The following NID2 variants were observed in gnomAD, a reference collection of about 807,000 sequenced individuals.
The protein encoded by NID2 is nidogen-2.
Under a neutral mutation model 145.4 loss-of-function variants are expected in NID2, and 83 were observed. That is an observed-to-expected ratio of 0.57 (90% confidence interval 0.48 to 0.69). The LOEUF (loss-of-function observed/expected upper bound fraction) is 0.69, where lower values mean the gene tolerates loss of function less well. NID2 is among the 30% of genes least tolerant of loss of function. The pLI is 0.00. For synonymous variants in NID2, 739 were observed against 701.3 expected (o/e 1.05, Z -0.85); for missense variants, 1,807 against 1,765.7 (o/e 1.02, Z -0.42).
intron 18 of NID2, chr14:52,008,440 G>A (rs1408849730): frequency 6.5e-6 from 1 of 152,994 alleles, no homozygotes; most frequent in Non-Finnish European, 1.5e-5. Context: ...GGAGCTCGGT[G>A]AAGACACACT....
rs750538133 is a variant in NID2 at position 52,006,595 on chromosome 14, TGAG to T, written c.3943_3945del (p.Leu1315del). On this transcript the variant is annotated inframe_deletion, in exon 20 of 22. Transcript: ENST00000216286. ...TAGCTTACGATGCTGAAGGGGTACT[TGAG>T]GTTGTTTTGAATGACACGCCGTCCA... The T allele has an allele frequency of 1.9e-6, 3 of 1,613,694 alleles. No individual in the cohort carries two copies. Among genetic ancestry groups the T allele is most frequent in the Non-Finnish European group, 2.5e-6 (3 of 1,179,778 alleles).
chr14:52,061,862 C>A (rs1416900696), intron 2 of NID2, among the ~76,000 whole-genome samples: 1 of 152,244 alleles, frequency 6.6e-6, no homozygotes, highest in Non-Finnish European at 1.5e-5. Flanking sequence ...CTCTCTCTCA[C>A]TAAATCACAC....
At chr14:52,053,124 A>G (rs1892729472) in intron 5 of NID2, among the ~76,000 whole-genome samples, 1 of 152,226 alleles carries the variant, frequency 6.6e-6, no homozygotes, top group East Asian at 1.9e-4. Context: ...AACCAAGGGA[A>G]GCGCTAGGCT....
chr14:52,057,725 A>G (rs1312705707), intron 3 of NID2, among the ~76,000 whole-genome samples: 20 of 145,932 alleles, frequency 1.4e-4, no homozygotes, highest in Non-Finnish European at 3.0e-4. Context: ...AAAAAAAAAA[A>G]AAGAAAAGAA....
At chr14:52,032,822 G>C (rs865921743) in intron 9 of NID2, among the ~76,000 whole-genome samples, 1 of 59,934 alleles carries the variant, frequency 1.7e-5, no homozygotes. Flanking sequence ...AAAAATCTCA[G>C]CTCAAAAGTT....
rs1379909282 is a variant in NID2, at chr14:52,042,889, T to C, written c.1472A>G (p.Asn491Ser). 1 of 1,614,228 alleles carries C rather than the reference T, an allele frequency of 6.2e-7. No individual in the cohort carries two copies. Among genetic ancestry groups the C allele is most frequent in the East Asian group, 2.2e-5 (1 of 44,890 alleles). The change falls in exon 6 of 22, where the codon AAC becomes AGC. Residue 491 changes from asparagine (N) to serine (S), a missense_variant. Asn to Ser is a conservative substitution (Grantham distance 46). Coordinates refer to ENST00000216286, the MANE Select transcript of NID2 (RefSeq NM_007361.4). ...GGCATGCCGGGAGCATTGTCTGTGG[T>C]TGTGTTCACAGGTTTCCTTGTTGGC... The part of the protein sequence containing the change: ...NAANKETCEH[N>S]HRQCSRHAFC...
At chr14:52,037,333 G>A (rs1458133148) in intron 9 of NID2, among the ~76,000 whole-genome samples, 1 of 151,976 alleles carries the variant, frequency 6.6e-6, no homozygotes, top group Non-Finnish European at 1.5e-5. Context: ...TAGGGTACAT[G>A]TTTACAACGT....
At chr14:52,006,509 A>T (rs749882168) in intron 20 of NID2, 28 bp downstream of exon 20, 1 of 1,612,288 alleles carries the variant, frequency 6.2e-7, no homozygotes, top group Admixed American at 1.7e-5. Context: ...TGGCCTTTTC[A>T]GGCTTGTCCA....
intron 2 of NID2, among the ~76,000 whole-genome samples, chr14:52,066,321 CAA>C (rs34875276): frequency 3.7e-5 from 5 of 133,804 alleles, no homozygotes; most frequent in East Asian, 2.2e-4. Flanking sequence ...TAACGGGTAC[CAA>C]AAAAAAAAAA....
chr14:52,038,858 G>C lies in NID2; in HGVS notation c.2146C>G (p.Pro716Ala), dbSNP rs761340319. The C allele has an allele frequency of 6.2e-7, 1 of 1,614,102 alleles. No individual in the cohort carries two copies. Among genetic ancestry groups the C allele is most frequent in the East Asian group, 2.2e-5 (1 of 44,874 alleles). ...AGCTGCTGGGTGGTGGGGAAGGACG[G>C]GTGTCTGGGGGCGTGCCTGCACACC... ...YQVCRHAPRH[P>A]SFPTTQQLNV... Residue 716 changes from proline to alanine, a missense_variant, in exon 9 of 22, where the codon CCG (proline) becomes GCG (alanine). Transcript: ENST00000216286.
In NID2 at chr14:52,011,634, T is replaced by C. The variant is rs951890970; in HGVS notation, c.3470A>G (p.Tyr1157Cys). Residue 1157 changes from tyrosine (Y) to cysteine (C), a missense_variant, in exon 17 of 22, where the codon TAC becomes TGC. By Grantham distance (194) the Tyr-to-Cys change is radical. Transcript: ENST00000216286. ...TGTCCGTCCAGCAACATCTGTCCAG[T>C]ACACCATCCTCTCCCGGCAGTCGTA... ...IDYDCRERMV[Y>C]WTDVAGRTIS... The C allele has an allele frequency of 4.3e-6, 7 of 1,614,116 alleles. No individual in the cohort carries two copies. The African/African-American group carries it at 8.0e-5, about 18-fold the overall frequency.
At position 52,029,623 on chromosome 14, in the gene NID2, C is replaced by T. The variant is rs760827521; in HGVS notation, c.2325G>A (p.Arg775=). The change falls in exon 10 of 22, where the codon CGG becomes CGA. Residue 775 remains arginine (R), a synonymous_variant. Transcript: ENST00000216286. ...AATCTACACCTGTCCCTGGATGGCA[C>T]CGTGCTGTTGTGTCACACATGTGGC... ...DGSHMCDTTA[R]CHPGTGVDYT... is the part of the protein sequence containing the mutation. 2 of 1,614,130 alleles carry T rather than the reference C, an allele frequency of 1.2e-6. No homozygotes were observed. Among genetic ancestry groups the T allele is most frequent in the Non-Finnish European group, 1.7e-6 (2 of 1,179,964 alleles).
intron 7 of NID2, among the ~76,000 whole-genome samples, chr14:52,041,705 G>C (rs539721542): frequency 6.6e-6 from 1 of 152,234 alleles, no homozygotes; most frequent in Non-Finnish European, 1.5e-5. Context: ...ATAGGTTGTG[G>C]AGCTGGGAGG....
intron 9 of NID2, among the ~76,000 whole-genome samples, chr14:52,030,998 C>G (rs1595025476): frequency 6.6e-6 from 1 of 152,222 alleles, no homozygotes; most frequent in Non-Finnish European, 1.5e-5. Flanking sequence ...TGCTGCATCA[C>G]AGAGAGGCCA....
In NID2 at chr14:52,063,142, C is replaced by A. The variant is rs564985014; in HGVS notation, c.535-2786G>T. Among the ~76,000 whole-genome samples, 15 of 152,308 alleles carry A rather than the reference C, an allele frequency of 9.8e-5. No homozygotes were observed. In the South Asian group the frequency reaches 3.1e-3, roughly 32 times the overall value. On this transcript the variant is annotated intron_variant, in intron 2 of 21. Coordinates refer to ENST00000216286, the MANE Select transcript of NID2 (RefSeq NM_007361.4). ...TTCATGAAGTCTTGAAGGGCTCCCC[C>A]TCTCAAAAAACTCCTTGACTGGCTT...
chr14:52,006,167 T>C (rs190299251), intron 20 of NID2: 22 of 402,598 alleles, frequency 5.5e-5, no homozygotes, highest in Admixed American at 1.1e-4. Context: ...TCAGACAATA[T>C]GTCCACAGTG....
Position 52,041,488 on chromosome 14 carries a change from A to T in NID2, c.1825+617T>A, listed in dbSNP as rs532658280. ...TCTAGCAAACAAGTTTTCAGGTTGG[A>T]AGGTGAGAATCCAAAAAGTATCTTC... On this transcript the variant is annotated intron_variant, in intron 7 of 21. Transcript: ENST00000216286. Among the ~76,000 whole-genome samples, 13 of 152,326 alleles carry T rather than the reference A, an allele frequency of 8.5e-5. No homozygotes were observed. The East Asian group carries it at 1.2e-3, about 14-fold the overall frequency.
chr14:52,011,765 GC>G, intron 16 of NID2, 82 bp from the exon 17 acceptor site: 4 of 1,500,450 alleles, frequency 2.7e-6, no homozygotes, highest in Non-Finnish European at 3.7e-6. Flanking sequence ...CTCATGCACA[GC>G]TGCAGTGAGC....
intron 12 of NID2, among the ~76,000 whole-genome samples, chr14:52,025,021 T>A (rs1417961249): frequency 6.6e-6 from 1 of 152,216 alleles, no homozygotes; most frequent in Non-Finnish European, 1.5e-5. Flanking sequence ...ACCAGAGAGC[T>A]AAGGAACTAA....
Sources: gnomAD v4.1 joint callset for allele counts (sites outside exome capture counted in the v4.1 genomes callset) on GRCh38, gnomAD v4.1.1 for gene constraint, MANE v1.5 for transcripts, NCBI Gene and HGNC (gene_info 2026-07-23, HGNC 2026-07-21) for gene names.